The following SLC4A10 variants were observed in gnomAD, a reference collection of about 807,000 sequenced individuals.
The protein encoded by SLC4A10 is sodium-driven chloride bicarbonate exchanger.
A neutral mutation model predicts 137.7 loss-of-function variants in SLC4A10; 42 were observed. The ratio of observed to expected loss-of-function variants is 0.30; its 90% CI spans 0.24 to 0.39. The LOEUF (loss-of-function observed/expected upper bound fraction) is 0.39, where lower values mean the gene tolerates loss of function less well. SLC4A10 is among the 10% of genes least tolerant of loss of function. The probability of loss-of-function intolerance (pLI) is 1.00; values close to 1 mark genes in which losing one functional copy is unlikely to be tolerated. For missense variants in SLC4A10, 925 were observed against 1,355.0 expected (o/e 0.68, Z 4.98); for synonymous variants, 474 against 464.1 (o/e 1.02, Z -0.27).
At chr2:161,930,751 T>C (rs901788108) in intron 15 of SLC4A10, among the ~76,000 whole-genome samples, 3 of 151,994 alleles carry the variant, frequency 2.0e-5, no homozygotes, top group Admixed American at 6.6e-5. Flanking sequence ...CACAACAGCA[T>C]TATCTAATGT....
chr2:161,903,442 G>A (rs1386574561), intron 12 of SLC4A10, among the ~76,000 whole-genome samples: 1 of 152,150 alleles, frequency 6.6e-6, no homozygotes, highest in African/African-American at 2.4e-5. Flanking sequence ...ACATTTAGAT[G>A]TCTTCCTGCA....
chr2:161,890,934 T>A (rs12465324), intron 10 of SLC4A10, among the ~76,000 whole-genome samples: 64,384 of 151,586 alleles, frequency 0.42, 13,924 homozygotes, highest in Admixed American at 0.49. Flanking sequence ...GGAGGGTACC[T>A]GTTTTTCCTT....
intron 6 of SLC4A10, among the ~76,000 whole-genome samples, chr2:161,865,103 G>T (rs1039409253): frequency 2.0e-5 from 3 of 151,912 alleles, no homozygotes; most frequent in African/African-American, 7.2e-5. Flanking sequence ...TTTTGAACTA[G>T]TTAAAATTTA....
At chr2:161,867,727 C>T (rs1394959320) in intron 6 of SLC4A10, among the ~76,000 whole-genome samples, 1 of 152,024 alleles carries the variant, frequency 6.6e-6, no homozygotes, top group African/African-American at 2.4e-5. Flanking sequence ...AAGTGTAGCT[C>T]ACCTAATCAG....
At chr2:161,647,767 A>C (rs957182657) in intron 1 of SLC4A10, among the ~76,000 whole-genome samples, 2 of 152,200 alleles carry the variant, frequency 1.3e-5, no homozygotes, top group African/African-American at 4.8e-5. Flanking sequence ...ACACTTAAAC[A>C]TAGGTAATTT....
intron 1 of SLC4A10, among the ~76,000 whole-genome samples, chr2:161,630,334 T>C (rs1286228999): frequency 6.6e-6 from 1 of 151,872 alleles, no homozygotes; most frequent in African/African-American, 2.4e-5. Flanking sequence ...ATTAGGGTGA[T>C]GGCCTCACAT....
intron 11 of SLC4A10, among the ~76,000 whole-genome samples, chr2:161,896,287 A>C (rs1389132675): frequency 6.6e-6 from 1 of 151,852 alleles, no homozygotes. Context: ...CTGTTTTGGT[A>C]CCAGTACCAT....
chr2:161,897,640 T>G (rs1400301813), intron 11 of SLC4A10, among the ~76,000 whole-genome samples: 1 of 152,122 alleles, frequency 6.6e-6, no homozygotes. Context: ...AAACTTACCA[T>G]TTTGTGATTA....
chr2:161,708,560 G>A (rs1215508451), intron 1 of SLC4A10: 5 of 875,540 alleles, frequency 5.7e-6, no homozygotes, highest in Non-Finnish European at 8.1e-6. Flanking sequence ...ATACAACTGT[G>A]TCAGTCTCTC....
intron 1 of SLC4A10, among the ~76,000 whole-genome samples, chr2:161,702,888 GT>G (rs1225128219): frequency 1.3e-5 from 2 of 151,738 alleles, no homozygotes; most frequent in Admixed American, 6.6e-5. Context: ...TGTTGTTACT[GT>G]TAGAAAACCT....
intron 1 of SLC4A10, among the ~76,000 whole-genome samples, chr2:161,730,616 C>T (rs2046724804): frequency 6.6e-6 from 1 of 152,038 alleles, no homozygotes; most frequent in Non-Finnish European, 1.5e-5. Flanking sequence ...GGTCTCTGTC[C>T]TGAATTTGTT....
intron 1 of SLC4A10, among the ~76,000 whole-genome samples, chr2:161,761,265 G>A (rs145216051): frequency 1.3e-5 from 2 of 152,044 alleles, no homozygotes; most frequent in Admixed American, 1.3e-4. Context: ...GATAGGATAC[G>A]CTAGAAAGAA....
At chr2:161,728,531 C>T (rs935848238) in intron 1 of SLC4A10, among the ~76,000 whole-genome samples, 9 of 151,840 alleles carry the variant, frequency 5.9e-5, no homozygotes, top group African/African-American at 1.2e-4. Flanking sequence ...GCTGAAATCG[C>T]GCCCTGTACT....
intron 1 of SLC4A10, among the ~76,000 whole-genome samples, chr2:161,736,405 C>T (rs1208127134): frequency 6.6e-6 from 1 of 152,168 alleles, no homozygotes; most frequent in Non-Finnish European, 1.5e-5. Flanking sequence ...TTAGTCCTTT[C>T]TCACACTGCT....
At chr2:161,940,253 T>G (rs938268421) in intron 15 of SLC4A10, among the ~76,000 whole-genome samples, 2 of 152,156 alleles carry the variant, frequency 1.3e-5, no homozygotes, top group African/African-American at 4.8e-5. Context: ...CAGCTTCCAG[T>G]TGAGGCCAAC....
At chr2:161,920,434 G>C (rs62188848) in intron 15 of SLC4A10, among the ~76,000 whole-genome samples, 10,203 of 152,216 alleles carry the variant, frequency 0.067, 445 homozygotes, top group East Asian at 0.13. Context: ...AATACATAGG[G>C]AATAAGAAGT....
intron 1 of SLC4A10, among the ~76,000 whole-genome samples, chr2:161,684,076 C>A (rs1331745280): frequency 2.0e-5 from 3 of 152,098 alleles, no homozygotes; most frequent in Non-Finnish European, 4.4e-5. Context: ...AACCATCGTT[C>A]TTCTTTCTTT....
intron 1 of SLC4A10, among the ~76,000 whole-genome samples, chr2:161,630,022 G>A (rs1184551581): frequency 6.6e-6 from 1 of 151,736 alleles, no homozygotes; most frequent in Admixed American, 6.6e-5. Flanking sequence ...TCTTTGTGTG[G>A]ACATGTTTTC....
At chr2:161,640,657 C>CTTCT (rs796532576) in intron 1 of SLC4A10, among the ~76,000 whole-genome samples, 16,629 of 61,598 alleles carry the variant, frequency 0.27, 3,136 homozygotes, top group South Asian at 0.37. Flanking sequence ...TCCTTCCTTC[C>CTTCT]TTCTTTCTTT....
Sources: gnomAD v4.1 joint callset for allele counts (sites outside exome capture counted in the v4.1 genomes callset) on GRCh38, gnomAD v4.1.1 for gene constraint, MANE v1.5 for transcripts, NCBI Gene and HGNC (gene_info 2026-07-23, HGNC 2026-07-21) for gene names.